NSD1: variants seen among roughly 807,000 people sequenced by gnomAD.
NSD1 encodes nuclear receptor binding SET domain protein 1, also known as histone-lysine N-methyltransferase, H3 lysine-36 specific.
NSD1 carries 26 observed loss-of-function variants against 242.7 expected under a neutral mutation model. The observed-to-expected ratio is 0.11, with a 90% CI of 0.08 to 0.15. NSD1 has a LOEUF of 0.15. NSD1 is among the 10% of genes least tolerant of loss of function. The pLI is 1.00. For synonymous variants in NSD1, 1,106 were observed against 1,178.1 expected, an observed-to-expected ratio of 0.94 and a Z score of 1.25; for missense variants, 2,495 against 3,272.8, an observed-to-expected ratio of 0.76 and a Z score of 5.80.
intron 5 of NSD1, among the ~76,000 whole-genome samples, chr5:177,221,223 C>T (rs1764209582): frequency 1.3e-5 from 2 of 151,826 alleles, no homozygotes; most frequent in Non-Finnish European, 2.9e-5. Flanking sequence ...TTGTTATTAC[C>T]ATTTTGCTAA....
intron 2 of NSD1, among the ~76,000 whole-genome samples, chr5:177,162,257 C>T (rs978282876): frequency 3.3e-5 from 5 of 150,644 alleles, no homozygotes; most frequent in African/African-American, 1.2e-4. Context: ...GAGATCAGGA[C>T]ACTGCCCTCC....
At chr5:177,171,462 T>A (rs1053465556) in intron 2 of NSD1, among the ~76,000 whole-genome samples, 2 of 152,344 alleles carry the variant, frequency 1.3e-5, no homozygotes, top group South Asian at 4.1e-4. Flanking sequence ...CTTTTGTTAC[T>A]GTTTTTTTCT....
Position 177,289,182 on chromosome 5 carries a change from G to A in NSD1, c.6258+257G>A, listed in dbSNP as rs540327924. 1.1e-4 allele frequency among the ~76,000 whole-genome samples: 16 copies of A among 152,166 alleles called. No homozygotes were observed. In the East Asian group the frequency reaches 1.4e-3, roughly 13 times the overall value. On this transcript the variant is annotated intron_variant, in intron 21 of 22. Coordinates refer to ENST00000439151, the MANE Select transcript of NSD1 (RefSeq NM_022455.5). The stretch of plus-strand genomic sequence containing the variant: ...TAAGAATAGAAAAATTAGCTGGGCC[G>A]TGGTGGCATGTGCTTGTAGTCCCAG...
At chr5:177,217,678 T>TC (rs893906335) in intron 5 of NSD1, among the ~76,000 whole-genome samples, 2 of 150,772 alleles carry the variant, frequency 1.3e-5, no homozygotes, top group African/African-American at 4.9e-5. Context: ...TTTTTTTTTT[T>TC]TTTTTTGAGA....
intron 5 of NSD1, among the ~76,000 whole-genome samples, chr5:177,235,082 A>G (rs1765339673): frequency 6.6e-6 from 1 of 152,222 alleles, no homozygotes; most frequent in Non-Finnish European, 1.5e-5. Flanking sequence ...ACTGTTAAGT[A>G]CTTATGTGTG....
At chr5:177,174,833 G>A (rs568631496) in intron 2 of NSD1, among the ~76,000 whole-genome samples, 1 of 145,216 alleles carries the variant, frequency 6.9e-6, no homozygotes, top group African/African-American at 2.6e-5. Flanking sequence ...AAAGTGCTGG[G>A]ATTACAGGTA....
At chr5:177,231,473 G>C (rs1765049478) in intron 5 of NSD1, among the ~76,000 whole-genome samples, 1 of 152,128 alleles carries the variant, frequency 6.6e-6, no homozygotes, top group African/African-American at 2.4e-5. Flanking sequence ...TGAGATGGAG[G>C]CTAAAGTTCA....
In NSD1 at chr5:177,135,582, A is replaced by G; in HGVS notation, c.479A>G (p.Asp160Gly). 1 of 1,614,204 alleles carries G rather than the reference A, an allele frequency of 6.2e-7. No homozygotes were observed. The highest frequency in any genetic ancestry group is 8.5e-7 in the Non-Finnish European group (1 of 1,180,048). The stretch of plus-strand genomic sequence containing the variant: ...CACTTTGAGAATTTTACTTGTGTGG[A>G]CGATGCAGATGTAGATTCTGAAATG... ...FLHFENFTCV[D>G]DADVDSEMDP... The change falls in exon 2 of 23, where the codon GAC becomes GGC. Residue 160 changes from aspartate (D) to glycine (G), a missense_variant. Physicochemically the swap from Asp to Gly is moderately conservative, Grantham distance 94. Coordinates refer to ENST00000439151, the MANE Select transcript of NSD1 (RefSeq NM_022455.5).
At chr5:177,221,062 G>A (rs761511545) in intron 5 of NSD1, 6 of 454,314 alleles carry the variant, frequency 1.3e-5, no homozygotes, top group Admixed American at 4.7e-5. Flanking sequence ...TAATAGATAC[G>A]GGGTTTCACC....
At chr5:177,147,128 C>T (rs925233396) in intron 2 of NSD1, among the ~76,000 whole-genome samples, 2 of 152,206 alleles carry the variant, frequency 1.3e-5, no homozygotes, top group Non-Finnish European at 2.9e-5. Flanking sequence ...TCGTATGTGA[C>T]AGCGTCTTGC....
In NSD1 at chr5:177,135,595, A is replaced by G; in HGVS notation, c.492A>G (p.Val164=). ...ENFTCVDDAD[V]DSEMDPEQPV... is the part of the protein sequence containing the mutation. ...TTACTTGTGTGGACGATGCAGATGTAGATTCTGAAATGGACCCAGAACAGC... is the reference window on the plus strand; with the variant it reads ...TTACTTGTGTGGACGATGCAGATGTGGATTCTGAAATGGACCCAGAACAGC... The change falls in exon 2 of 23, where the codon GTA becomes GTG. Residue 164 remains valine, a synonymous_variant. Coordinates refer to ENST00000439151, the MANE Select transcript of NSD1 (RefSeq NM_022455.5). 6.2e-7 allele frequency: 1 copy of G among 1,614,256 alleles called. No homozygotes were observed. Among genetic ancestry groups the G allele is most frequent in the Non-Finnish European group, 8.5e-7 (1 of 1,180,046 alleles).
At position 177,210,676 on chromosome 5, in the gene NSD1, A is replaced by G; in HGVS notation, c.2277A>G (p.Ser759=). 1.2e-6 allele frequency: 2 copies of G among 1,614,206 alleles called. No homozygotes were observed. The highest frequency in any genetic ancestry group is 1.7e-6 in the Non-Finnish European group (2 of 1,180,038). The change falls in exon 5 of 23, where the codon TCA becomes TCG. Residue 759 remains serine, a synonymous_variant. Coordinates refer to ENST00000439151, the MANE Select transcript of NSD1 (RefSeq NM_022455.5). ...DALSPKFNLS[S]SISSENSLIK... ...TCTCTCCAAAATTCAACCTGTCATC[A>G]AGCATATCCAGTGAGAACTCGTTAA...
At chr5:177,164,590 AATG>A (rs1190612326) in intron 2 of NSD1, among the ~76,000 whole-genome samples, 1 of 152,192 alleles carries the variant, frequency 6.6e-6, no homozygotes, top group Non-Finnish European at 1.5e-5. Context: ...TTATACTGGA[AATG>A]AATGCTTCAT....
chr5:177,243,933 TC>T (rs1766083438), intron 8 of NSD1, among the ~76,000 whole-genome samples: 3 of 152,184 alleles, frequency 2.0e-5, no homozygotes, highest in Admixed American at 2.0e-4. Flanking sequence ...CCTCAGGTGA[TC>T]CACCCGCCTC....
chr5:177,274,319 T>G (rs1758180220), intron 17 of NSD1, among the ~76,000 whole-genome samples: 1 of 152,218 alleles, frequency 6.6e-6, no homozygotes, highest in South Asian at 2.1e-4. Flanking sequence ...CTTTGTATTT[T>G]AAACATTTTT....
intron 2 of NSD1, among the ~76,000 whole-genome samples, chr5:177,171,771 TGTA>T (rs1449708225): frequency 4.6e-5 from 7 of 152,246 alleles, no homozygotes; most frequent in African/African-American, 1.7e-4. Context: ...TTTTGCATGT[TGTA>T]GTGTGTATCA....
chr5:177,218,900 C>T (rs747857546), intron 5 of NSD1, among the ~76,000 whole-genome samples: 15 of 151,032 alleles, frequency 9.9e-5, no homozygotes, highest in East Asian at 3.9e-4. Context: ...CTGGCCCTAA[C>T]GGGAGCCGTA....
intron 12 of NSD1, among the ~76,000 whole-genome samples, chr5:177,255,170 C>T (rs144392319): frequency 3.3e-4 from 50 of 151,980 alleles, no homozygotes; most frequent in African/African-American, 1.2e-3. Context: ...CCAGGCATGG[C>T]GGTGGGTGCC....
At position 177,290,049 on chromosome 5, in the gene NSD1, C is replaced by T. The variant is rs533738628; in HGVS notation, c.6258+1124C>T. 5.3e-5 allele frequency among the ~76,000 whole-genome samples: 8 copies of T among 151,680 alleles called. No individual in the cohort carries two copies. The South Asian group carries it at 1.5e-3, about 28-fold the overall frequency. On this transcript the variant is annotated intron_variant, in intron 21 of 22. Transcript: ENST00000439151. ...TCACTGTTGTTAGCCAGGTTGGTCTCGATCTCCTGACCTCGTGATCCGCCC... is the reference window on the plus strand; with the variant it reads ...TCACTGTTGTTAGCCAGGTTGGTCTTGATCTCCTGACCTCGTGATCCGCCC...
Sources: gnomAD v4.1 joint callset for allele counts (sites outside exome capture counted in the v4.1 genomes callset) on GRCh38, gnomAD v4.1.1 for gene constraint, MANE v1.5 for transcripts, NCBI Gene and HGNC (gene_info 2026-07-23, HGNC 2026-07-21) for gene names.